The following CCSER2 variants were observed in gnomAD, a reference collection of about 807,000 sequenced individuals.
The protein encoded by CCSER2 is coiled-coil serine rich protein 2.
A neutral mutation model predicts 92.3 loss-of-function variants in CCSER2; 46 were observed. The observed-to-expected ratio is 0.50, with a 90% CI of 0.39 to 0.64. The LOEUF (loss-of-function observed/expected upper bound fraction) is 0.64. Ranked by LOEUF, CCSER2 falls within the 30% of genes least tolerant of loss-of-function variation. The probability of loss-of-function intolerance (pLI) is 0.00; values close to 1 mark genes in which losing one functional copy is unlikely to be tolerated. For synonymous variants in CCSER2, 433 were observed against 431.4 expected, an observed-to-expected ratio of 1.00 and a Z score of -0.04; for missense variants, 1,244 against 1,238.9, an observed-to-expected ratio of 1.00 and a Z score of -0.06.
chr10:84,506,028 A>G (rs1849023540), intron 9 of CCSER2, among the ~76,000 whole-genome samples: 1 of 152,034 alleles, frequency 6.6e-6, no homozygotes, highest in South Asian at 2.1e-4. Context: ...TGAGAGGTAG[A>G]TGTTAATGGA....
At chr10:84,389,713 G>T (rs547426136) in intron 3 of CCSER2, 1 of 159,874 alleles carries the variant, frequency 6.3e-6, no homozygotes, top group African/African-American at 2.4e-5. Flanking sequence ...AAAACTGAAG[G>T]CAGTAATATC....
intron 3 of CCSER2, among the ~76,000 whole-genome samples, chr10:84,388,601 A>G (rs543847099): frequency 2.0e-5 from 3 of 152,282 alleles, no homozygotes; most frequent in African/African-American, 7.2e-5. Context: ...CTGAAGCCCT[A>G]TGGCCTTCAG....
At chr10:84,329,677 G>A (rs973513814) in intron 1 of CCSER2, among the ~76,000 whole-genome samples, 1 of 152,078 alleles carries the variant, frequency 6.6e-6, no homozygotes, top group Admixed American at 6.6e-5. Context: ...TTTTAGACTA[G>A]AGACTTTAGA....
chr10:84,468,157 A>G (rs879371170), intron 7 of CCSER2, among the ~76,000 whole-genome samples: 17 of 152,182 alleles, frequency 1.1e-4, no homozygotes, highest in African/African-American at 2.2e-4. Context: ...CAGACGTGCT[A>G]TGCTTTCCCT....
chr10:84,483,510 A>C (rs74672292), intron 9 of CCSER2, among the ~76,000 whole-genome samples: 1 of 152,148 alleles, frequency 6.6e-6, no homozygotes, highest in South Asian at 2.1e-4. Flanking sequence ...TCACAGTTAC[A>C]TCACAAAAAT....
intron 1 of CCSER2, among the ~76,000 whole-genome samples, chr10:84,344,126 T>C (rs1844352775): frequency 6.6e-6 from 1 of 152,218 alleles, no homozygotes; most frequent in Non-Finnish European, 1.5e-5. Context: ...GAATTATTTT[T>C]TGACCCCAGA....
intron 1 of CCSER2, among the ~76,000 whole-genome samples, chr10:84,365,109 C>A (rs1845713184): frequency 6.6e-6 from 1 of 151,922 alleles, no homozygotes; most frequent in Non-Finnish European, 1.5e-5. Context: ...ATTATTCTTG[C>A]AGAAACTAAA....
intron 1 of CCSER2, among the ~76,000 whole-genome samples, chr10:84,341,844 G>C (rs1366990496): frequency 1.3e-5 from 2 of 152,188 alleles, no homozygotes; most frequent in Non-Finnish European, 2.9e-5. Context: ...CATATTTTAA[G>C]AAATATAGAT....
chr10:84,420,492 T>C (rs1843086340), intron 4 of CCSER2, among the ~76,000 whole-genome samples: 1 of 152,192 alleles, frequency 6.6e-6, no homozygotes, highest in South Asian at 2.1e-4. Flanking sequence ...CGAACAATTA[T>C]ACACACCCAT....
chr10:84,472,470 G>A (rs1306449632), intron 8 of CCSER2, among the ~76,000 whole-genome samples: 2 of 152,256 alleles, frequency 1.3e-5, no homozygotes, highest in South Asian at 4.2e-4. Flanking sequence ...TACTTGGGAT[G>A]CTGAGGCAGA....
At chr10:84,352,609 G>A (rs1844926006) in intron 1 of CCSER2, among the ~76,000 whole-genome samples, 1 of 151,908 alleles carries the variant, frequency 6.6e-6, no homozygotes, top group African/African-American at 2.4e-5. Context: ...CACCACTGCC[G>A]CCGCCACCAC....
chr10:84,425,362 C>T, intron 4 of CCSER2: 1 of 179,256 alleles, frequency 5.6e-6, no homozygotes, highest in Non-Finnish European at 1.1e-5. Flanking sequence ...CTGTCATTTT[C>T]ATTCTGAAAT....
In CCSER2 at chr10:84,391,614, T is replaced by A. The variant is rs190046964; in HGVS notation, c.1614+17799T>A. ...ATGGATATAGAGATGCAGCCTTATA[T>A]TCCTATGGTGTTGCACTAGCTTGTA... is the stretch of plus-strand genomic sequence containing the variant. On this transcript the variant is annotated intron_variant, in intron 3 of 9. Coordinates refer to ENST00000372088, the MANE Select transcript of CCSER2 (RefSeq NM_001284240.2). 3,608 of 1,531,718 alleles carry A rather than the reference T, an allele frequency of 2.4e-3. 7 individuals are homozygous for A. Among genetic ancestry groups the A allele is most frequent in the Non-Finnish European group, 3.1e-3 (3,379 of 1,107,320 alleles). 94.9% of individuals were successfully genotyped at this position (1,531,718 alleles called of 1,614,324 possible).
In CCSER2 at chr10:84,461,510, T is replaced by C. The variant is rs148057823; in HGVS notation, c.2065-2423T>C. ...TGACCAATCTTGTTGCTCTTCATCA[T>C]TCAGATTGGATAATTTTTGTTGATC... On this transcript the variant is annotated intron_variant, in intron 6 of 9. Coordinates refer to ENST00000372088, the MANE Select transcript of CCSER2 (RefSeq NM_001284240.2). Among the ~76,000 whole-genome samples the C allele has an allele frequency of 2.0e-5, 3 of 152,322 alleles. No individual in the cohort carries two copies. In the East Asian group the frequency reaches 5.8e-4, roughly 29 times the overall value.
intron 3 of CCSER2, among the ~76,000 whole-genome samples, chr10:84,393,163 A>C (rs1841622841): frequency 6.6e-6 from 1 of 152,080 alleles, no homozygotes; most frequent in Non-Finnish European, 1.5e-5. Context: ...TAGTCCTTGA[A>C]ATGTCTTTTT....
chr10:84,511,217 A>G (rs929030431), intron 9 of CCSER2, among the ~76,000 whole-genome samples: 2 of 152,182 alleles, frequency 1.3e-5, no homozygotes, highest in African/African-American at 4.8e-5. Context: ...AATATTTGAT[A>G]TGAAGCTTTA....
chr10:84,496,016 A>T (rs1034846193), intron 9 of CCSER2, among the ~76,000 whole-genome samples: 22 of 149,248 alleles, frequency 1.5e-4, no homozygotes, highest in Admixed American at 6.6e-4. Flanking sequence ...TTAGTTTTTT[A>T]ATAATTCTAT....
chr10:84,339,930 C>T (rs1316284571), intron 1 of CCSER2, among the ~76,000 whole-genome samples: 1 of 152,146 alleles, frequency 6.6e-6, no homozygotes, highest in Non-Finnish European at 1.5e-5. Flanking sequence ...CAGCCTCCGC[C>T]TCCCAGGTTC....
At chr10:84,456,123 C>T (rs1845604437) in intron 6 of CCSER2, 2 of 345,682 alleles carry the variant, frequency 5.8e-6, no homozygotes, top group Non-Finnish European at 5.7e-6. Context: ...AAACGCCATG[C>T]AGAGCCCTCA....
Sources: gnomAD v4.1 joint callset for allele counts (sites outside exome capture counted in the v4.1 genomes callset) on GRCh38, gnomAD v4.1.1 for gene constraint, MANE v1.5 for transcripts, NCBI Gene and HGNC (gene_info 2026-07-23, HGNC 2026-07-21) for gene names.